Variants in ODAD2 observed in about 807,000 individuals in gnomAD.
ODAD2 encodes outer dynein arm docking complex subunit 2.
ODAD2 carries 89 observed loss-of-function variants against 106.8 expected under a neutral mutation model. That is an observed-to-expected ratio of 0.83 (90% CI 0.70 to 0.99). The LOEUF is 0.99. ODAD2 is among the 50% of genes least tolerant of loss of function. The probability of loss-of-function intolerance (pLI) is 0.00; values close to 1 mark genes in which losing one functional copy is unlikely to be tolerated. For synonymous variants in ODAD2, 404 were observed against 436.2 expected (o/e 0.93, Z 0.92); for missense variants, 1,168 against 1,238.5 (o/e 0.94, Z 0.85).
intron 16 of ODAD2, among the ~76,000 whole-genome samples, chr10:27,911,268 GT>G (rs1843994848): frequency 6.6e-6 from 1 of 152,252 alleles, no homozygotes; most frequent in Non-Finnish European, 1.5e-5. Context: ...AAGTCAGAAT[GT>G]CACCTTTTTG....
chr10:27,914,320 T>G (rs1012212673), intron 16 of ODAD2, among the ~76,000 whole-genome samples: 1 of 152,102 alleles, frequency 6.6e-6, no homozygotes, highest in African/African-American at 2.4e-5. Context: ...AAGATGCCAT[T>G]TTTTCTTTTC....
chr10:27,936,066 G>T (rs1590068364), intron 15 of ODAD2, among the ~76,000 whole-genome samples: 1 of 151,984 alleles, frequency 6.6e-6, no homozygotes, highest in South Asian at 2.1e-4. Flanking sequence ...ACTTCACTAC[G>T]CCTTATTAAG....
chr10:27,885,669 TAAAA>T (rs1195098113), intron 17 of ODAD2, among the ~76,000 whole-genome samples: 6 of 34,538 alleles, frequency 1.7e-4, no homozygotes, highest in Admixed American at 7.2e-4. Flanking sequence ...ATATTATATA[TAAAA>T]TATATATAAT....
chr10:27,959,289 A>T (rs976574564), intron 10 of ODAD2, among the ~76,000 whole-genome samples: 1 of 150,102 alleles, frequency 6.7e-6, no homozygotes, highest in African/African-American at 2.5e-5. Flanking sequence ...GGAAGGAAGA[A>T]AGGAAGGCAG....
At chr10:27,984,127 G>T (rs1161791434) in intron 5 of ODAD2, 57 bp downstream of exon 5, 19 of 1,496,758 alleles carry the variant, frequency 1.3e-5, no homozygotes, top group Non-Finnish European at 1.6e-5. Flanking sequence ...AAAGCATTTT[G>T]CAAATGTAAT....
chr10:27,992,106 G>T (rs184629862), intron 2 of ODAD2, among the ~76,000 whole-genome samples: 4 of 152,242 alleles, frequency 2.6e-5, no homozygotes, highest in Middle Eastern at 6.8e-3. Context: ...TAAAGCATCT[G>T]GTACTTTCCA....
At chr10:27,898,630 T>A (rs1842996242) in intron 17 of ODAD2, among the ~76,000 whole-genome samples, 1 of 152,208 alleles carries the variant, frequency 6.6e-6, no homozygotes, top group South Asian at 2.1e-4. Flanking sequence ...TCTTTCCCTG[T>A]AAACAATATT....
intron 19 of ODAD2, among the ~76,000 whole-genome samples, chr10:27,842,131 A>G (rs1050796158): frequency 3.3e-5 from 5 of 152,126 alleles, no homozygotes; most frequent in African/African-American, 1.2e-4. Context: ...TTGTCCCTTC[A>G]TTAGTCTTCA....
intron 17 of ODAD2, among the ~76,000 whole-genome samples, chr10:27,874,049 G>T (rs1841124216): frequency 2.0e-5 from 3 of 152,144 alleles, no homozygotes; most frequent in Non-Finnish European, 4.4e-5. Context: ...TCTGTATTGG[G>T]TGCATATATA....
At chr10:27,826,769 C>T (rs1255804856) in intron 19 of ODAD2, among the ~76,000 whole-genome samples, 1 of 152,134 alleles carries the variant, frequency 6.6e-6, no homozygotes, top group African/African-American at 2.4e-5. Context: ...CTCTTTCACC[C>T]TCCTTCCTGC....
chr10:27,947,934 A>G (rs569967801), intron 10 of ODAD2, among the ~76,000 whole-genome samples: 2 of 152,266 alleles, frequency 1.3e-5, no homozygotes, highest in South Asian at 2.1e-4. Context: ...GAGCTTATAC[A>G]CTCAGCACAA....
At chr10:27,990,116 T>C (rs981376220) in intron 2 of ODAD2, among the ~76,000 whole-genome samples, 2 of 152,116 alleles carry the variant, frequency 1.3e-5, no homozygotes, top group Admixed American at 1.3e-4. Flanking sequence ...CAGAAAAGTG[T>C]CTTTTTTCTT....
intron 2 of ODAD2, among the ~76,000 whole-genome samples, chr10:27,991,393 T>C (rs970372718): frequency 6.6e-6 from 1 of 152,116 alleles, no homozygotes; most frequent in African/African-American, 2.4e-5. Context: ...TTAATAACGA[T>C]CTGCACAAAA....
intron 12 of ODAD2, among the ~76,000 whole-genome samples, chr10:27,942,957 C>T (rs1846562478): frequency 6.6e-6 from 1 of 152,114 alleles, no homozygotes; most frequent in African/African-American, 2.4e-5. Flanking sequence ...TTTCAGTGTA[C>T]CTATTTACAT....
intron 16 of ODAD2, among the ~76,000 whole-genome samples, chr10:27,913,581 T>C (rs1844158297): frequency 6.6e-6 from 1 of 152,092 alleles, no homozygotes; most frequent in Admixed American, 6.6e-5. Context: ...ATATGCAAAC[T>C]ATGCATCTGA....
intron 19 of ODAD2, among the ~76,000 whole-genome samples, chr10:27,851,431 A>G (rs1839254152): frequency 6.6e-6 from 1 of 152,134 alleles, no homozygotes; most frequent in Non-Finnish European, 1.5e-5. Context: ...GCAACCCAGA[A>G]ATAATATTAG....
chr10:27,907,195 G>A (rs914793107), intron 17 of ODAD2, among the ~76,000 whole-genome samples: 8 of 152,140 alleles, frequency 5.3e-5, no homozygotes, highest in African/African-American at 1.9e-4. Context: ...TGTTTTTAGT[G>A]ACAGATAAGA....
At chr10:27,965,617 C>T (rs1297293612) in intron 9 of ODAD2, among the ~76,000 whole-genome samples, 2 of 152,020 alleles carry the variant, frequency 1.3e-5, no homozygotes, top group Non-Finnish European at 2.9e-5. Flanking sequence ...AGCCTGCCAC[C>T]CCCTGGAGTA....
At chr10:27,881,006 C>T (rs1239546883) in intron 17 of ODAD2, among the ~76,000 whole-genome samples, 1 of 152,142 alleles carries the variant, frequency 6.6e-6, no homozygotes, top group Non-Finnish European at 1.5e-5. Flanking sequence ...GGAGCACATC[C>T]TAGCATCCAT....
Sources: allele counts gnomAD v4.1 joint callset (sites outside exome capture counted in the v4.1 genomes callset), GRCh38; gene constraint gnomAD v4.1.1; transcripts MANE v1.5; gene names NCBI Gene and HGNC (gene_info 2026-07-23, HGNC 2026-07-21).